The following ZRSR2 variants were observed in gnomAD, a reference collection of about 807,000 sequenced individuals.
ZRSR2 encodes the protein U2 small nuclear ribonucleoprotein auxiliary factor 35 kDa subunit-related protein 2.
Under a neutral mutation model 39.4 loss-of-function variants are expected in ZRSR2, and 3 were observed. The ratio of observed to expected loss-of-function variants is 0.08; its 90% CI spans 0.03 to 0.20. The LOEUF (loss-of-function observed/expected upper bound fraction) is 0.20, where lower values mean the gene tolerates loss of function less well. Among genes scored for constraint, ZRSR2 ranks in the 10% least tolerant of loss-of-function variants. The probability of loss-of-function intolerance (pLI) is 1.00; values close to 1 mark genes in which losing one functional copy is unlikely to be tolerated. For synonymous variants in ZRSR2, 137 were observed against 136.0 expected, an observed-to-expected ratio of 1.01 and a Z score of -0.05; for missense variants, 256 against 391.5, an observed-to-expected ratio of 0.65 and a Z score of 2.92.
In ZRSR2 at chrX:15,790,683, C is replaced by T. The variant is rs1351315174; in HGVS notation, c.41+147C>T. ...TTCCTGGTGCGCGCTCTGGTGCCCTCCCCGGACTTGCACGGGCGGCTGTGG... is the reference window on the plus strand; with the variant it reads ...TTCCTGGTGCGCGCTCTGGTGCCCTTCCCGGACTTGCACGGGCGGCTGTGG... On this transcript the variant is annotated intron_variant, in intron 1 of 10. Coordinates refer to ENST00000307771, the MANE Select transcript of ZRSR2 (RefSeq NM_005089.4). The T allele has an allele frequency of 3.4e-5, 29 of 862,231 alleles. No individual in the cohort carries two copies. The East Asian group carries it at 6.8e-4, about 20-fold the overall frequency. The allele number at this position is 862,231 out of a possible 1,213,427, so 71.1% of individuals were successfully genotyped here. A position where few individuals can be genotyped will look rare whatever the true frequency, so the allele number is the denominator to read the frequency against.
intron 2 of ZRSR2, among the ~76,000 whole-genome samples, chrX:15,791,653 CTTTT>C (rs144343422): frequency 2.5e-4 from 15 of 60,862 alleles, no homozygotes; most frequent in Admixed American, 1.1e-3. Flanking sequence ...CTTTTCTTTT[CTTTT>C]TTTTTTTTTT....
At chrX:15,800,007 A>G (rs1212097388) in intron 3 of ZRSR2, 54 bp downstream of exon 3, 12 of 924,650 alleles carry the variant, frequency 1.3e-5, no homozygotes, top group East Asian at 1.3e-4. Context: ...TTGGAATATT[A>G]TCAACCTTTA....
At chrX:15,811,430 C>G (rs1321325590) in intron 7 of ZRSR2, among the ~76,000 whole-genome samples, 11 of 109,773 alleles carry the variant, frequency 1.0e-4, no homozygotes, top group African/African-American at 3.3e-4. Flanking sequence ...CTCACCCCCC[C>G]CCCTTTTTTT....
At chrX:15,818,983 G>A (rs1243232843) in intron 9 of ZRSR2, among the ~76,000 whole-genome samples, 2 of 108,045 alleles carry the variant, frequency 1.9e-5, no homozygotes, top group African/African-American at 6.7e-5. Flanking sequence ...TGATGACCAG[G>A]CTGGTCTCGA....
chrX:15,805,945 AAAAG>A (rs1168328154), intron 5 of ZRSR2, among the ~76,000 whole-genome samples: 3 of 109,499 alleles, frequency 2.7e-5, no homozygotes, highest in Middle Eastern at 4.3e-3. Flanking sequence ...AAAAAAAAAA[AAAAG>A]AAAGAAATAA....
chrX:15,819,393 A>G (rs142095545), intron 9 of ZRSR2, among the ~76,000 whole-genome samples: 1,216 of 109,943 alleles, frequency 0.011, 16 homozygotes, highest in African/African-American at 0.037. Context: ...GAATCGCTTC[A>G]AGAGAGACCT....
intron 2 of ZRSR2, among the ~76,000 whole-genome samples, chrX:15,795,664 G>A (rs1296958571): frequency 9.0e-6 from 1 of 111,663 alleles, no homozygotes; most frequent in Non-Finnish European, 1.9e-5. Context: ...GTGGGGGTTA[G>A]CAGCTTTATA....
At chrX:15,796,731 G>A (rs986556241) in intron 2 of ZRSR2, among the ~76,000 whole-genome samples, 10 of 103,436 alleles carry the variant, frequency 9.7e-5, no homozygotes, top group East Asian at 3.1e-4. Flanking sequence ...GTTTGAGACC[G>A]AACTTCTCTG....
In ZRSR2 at chrX:15,801,750, G is replaced by C. The variant is rs768691872; in HGVS notation, c.203+1797G>C. 2.8e-4 allele frequency: 31 copies of C among 111,849 alleles called. No homozygotes were observed. The Admixed American group carries it at 2.9e-3, about 10-fold the overall frequency. 9.2% of individuals were successfully genotyped at this position (111,849 alleles called of 1,213,427 possible). A position where few individuals can be genotyped will look rare whatever the true frequency, so the allele number is the denominator to read the frequency against. On this transcript the variant is annotated intron_variant, in intron 3 of 10. Transcript: ENST00000307771. ...ACAATAGATACGGTATGAAATAAGAGAGTAATTTTTTTCCTGTTTATTTGA... is the reference window on the plus strand; with the variant it reads ...ACAATAGATACGGTATGAAATAAGACAGTAATTTTTTTCCTGTTTATTTGA...
At chrX:15,795,864 TG>T (rs1217732667) in intron 2 of ZRSR2, among the ~76,000 whole-genome samples, 2 of 111,830 alleles carry the variant, frequency 1.8e-5, no homozygotes, top group African/African-American at 6.5e-5. Flanking sequence ...GGCTCACGCC[TG>T]GAGTCCTAGC....
chrX:15,804,427 A>T (rs959515559), intron 5 of ZRSR2, among the ~76,000 whole-genome samples: 1 of 111,334 alleles, frequency 9.0e-6, no homozygotes, highest in African/African-American at 3.3e-5. Context: ...TTTACCCTTT[A>T]TACTGGGCAT....
intron 1 of ZRSR2, 181 bp downstream of exon 1, chrX:15,790,717 A>G: frequency 1.5e-6 from 1 of 680,034 alleles, no homozygotes; most frequent in Non-Finnish European, 2.2e-6. Flanking sequence ...GGCTCAGGCA[A>G]GCGAGGAGAG....
intron 2 of ZRSR2, among the ~76,000 whole-genome samples, chrX:15,797,774 G>A (rs1225565190): frequency 9.0e-6 from 1 of 111,374 alleles, no homozygotes; most frequent in Non-Finnish European, 1.9e-5. Context: ...TGTATTGTAT[G>A]TATATGTATT....
At position 15,803,204 on chromosome X, in the gene ZRSR2, A is replaced by G. The variant is rs767834138; in HGVS notation, c.204-484A>G. On this transcript the variant is annotated intron_variant, in intron 3 of 10. Coordinates refer to ENST00000307771, the MANE Select transcript of ZRSR2 (RefSeq NM_005089.4). ...CTTGAACCCGGGAGGCAGAGGTTGC[A>G]GTGAGCCAAGATCATGCCACTGCAC... 4.5e-5 allele frequency among the ~76,000 whole-genome samples: 5 copies of G among 110,977 alleles called. No individual in the cohort carries two copies. In the South Asian group the frequency reaches 1.9e-3, roughly 43 times the overall value.
Position 15,799,894 on chromosome X carries a change from G to A in ZRSR2, c.144G>A (p.Glu48=), listed in dbSNP as rs748769419. ...TAGGACTCTCACAGAAGGAGGAAGA[G>A]GAGGACACTTTTATTGAAGAACAAC... ...RDSGLSQKEE[E]EDTFIEEQQL... Residue 48 remains glutamate, a synonymous_variant, in exon 3 of 11, where the codon GAG becomes GAA. Coordinates refer to ENST00000307771, the MANE Select transcript of ZRSR2 (RefSeq NM_005089.4). The A allele has an allele frequency of 3.3e-6, 4 of 1,200,396 alleles. No homozygotes were observed. The African/African-American group carries it at 5.3e-5, about 16-fold the overall frequency.
chrX:15,815,466 C>T (rs191736067), intron 7 of ZRSR2, among the ~76,000 whole-genome samples: 334 of 111,807 alleles, frequency 3.0e-3, no homozygotes, highest in Non-Finnish European at 5.0e-3. Context: ...CCAACACGCC[C>T]GGCTAATTTT....
chrX:15,804,746 G>C (rs191856490), intron 5 of ZRSR2, among the ~76,000 whole-genome samples: 2 of 111,696 alleles, frequency 1.8e-5, no homozygotes, highest in African/African-American at 6.5e-5. Flanking sequence ...GCAAGAATTA[G>C]AGGATTTAAA....
intron 7 of ZRSR2, among the ~76,000 whole-genome samples, chrX:15,811,501 C>T (rs954567609): frequency 3.6e-5 from 4 of 110,707 alleles, no homozygotes; most frequent in East Asian, 2.8e-4. Context: ...CACAGCTCAC[C>T]GCAAGCTCTG....
intron 4 of ZRSR2, 86 bp downstream of exon 4, chrX:15,803,882 G>A: frequency 2.7e-6 from 3 of 1,124,809 alleles, no homozygotes; most frequent in Non-Finnish European, 3.6e-6. Context: ...TTGGGAGGTT[G>A]GAGTGAGCTG....
Sources: gnomAD v4.1 joint callset for allele counts (sites outside exome capture counted in the v4.1 genomes callset) on GRCh38, gnomAD v4.1.1 for gene constraint, MANE v1.5 for transcripts, NCBI Gene and HGNC (gene_info 2026-07-23, HGNC 2026-07-21) for gene names.